RALYL: variants seen among roughly 807,000 people sequenced by gnomAD.
The protein encoded by RALYL is RALY RNA binding protein like.
In RALYL, 29 loss-of-function variants were observed where a neutral mutation model predicts 35.1. That is an observed-to-expected ratio of 0.83 (90% CI 0.61 to 1.13). The LOEUF is 1.13. RALYL is among the 50% of genes most tolerant of loss of function. The probability of loss-of-function intolerance (pLI) is 0.00; values close to 1 mark genes in which losing one functional copy is unlikely to be tolerated. For missense variants in RALYL, 359 were observed against 360.4 expected (o/e 1.00, Z 0.03); for synonymous variants, 120 against 127.6 (o/e 0.94, Z 0.40).
At chr8:84,349,088 C>A (rs940489321) in intron 1 of RALYL, among the ~76,000 whole-genome samples, 1 of 150,162 alleles carries the variant, frequency 6.7e-6, no homozygotes, top group African/African-American at 2.5e-5. Context: ...GTCCAGGGAA[C>A]AGCCATTCAG....
chr8:84,200,339 A>C (rs1430515301), intron 1 of RALYL, among the ~76,000 whole-genome samples: 5 of 152,284 alleles, frequency 3.3e-5, no homozygotes, highest in African/African-American at 9.6e-5. Flanking sequence ...TGTTCATCAA[A>C]GCAAACGTCA....
At chr8:84,900,779 T>G (rs1395436433) in intron 8 of RALYL, among the ~76,000 whole-genome samples, 2 of 152,134 alleles carry the variant, frequency 1.3e-5, no homozygotes, top group Non-Finnish European at 2.9e-5. Flanking sequence ...AGCACCAAAG[T>G]GACCACAATG....
At chr8:84,474,601 T>C (rs972238760) in intron 1 of RALYL, among the ~76,000 whole-genome samples, 5 of 152,138 alleles carry the variant, frequency 3.3e-5, no homozygotes, top group African/African-American at 1.2e-4. Flanking sequence ...CCTAAGAGAT[T>C]TCTTTGCAAT....
chr8:84,595,084 T>C (rs1416720244), intron 2 of RALYL, among the ~76,000 whole-genome samples: 2 of 152,046 alleles, frequency 1.3e-5, no homozygotes, highest in Non-Finnish European at 2.9e-5. Context: ...TGCAGAGCAG[T>C]GAGTAAGGAG....
intron 1 of RALYL, among the ~76,000 whole-genome samples, chr8:84,417,026 A>G (rs1195515482): frequency 6.6e-6 from 1 of 151,926 alleles, no homozygotes; most frequent in Non-Finnish European, 1.5e-5. Flanking sequence ...TCAAAGTGCA[A>G]GTAACCAATA....
intron 1 of RALYL, among the ~76,000 whole-genome samples, chr8:84,340,651 T>G (rs183193656): frequency 3.3e-5 from 5 of 152,206 alleles, no homozygotes; most frequent in Admixed American, 2.6e-4. Flanking sequence ...CCATCACTAT[T>G]CAAGTCACTA....
intron 1 of RALYL, among the ~76,000 whole-genome samples, chr8:84,470,465 T>A (rs1563990535): frequency 4.6e-5 from 6 of 130,564 alleles, no homozygotes; most frequent in Non-Finnish European, 1.0e-4. Flanking sequence ...ACTGATTGTA[T>A]GGGTTTTTTT....
intron 1 of RALYL, among the ~76,000 whole-genome samples, chr8:84,449,022 A>T (rs540906260): frequency 6.6e-6 from 1 of 151,582 alleles, no homozygotes; most frequent in South Asian, 2.1e-4. Context: ...CATTCAGATA[A>T]TGGAATGTGA....
chr8:84,538,696 A>T (rs2059788315), intron 2 of RALYL, among the ~76,000 whole-genome samples: 1 of 152,210 alleles, frequency 6.6e-6, no homozygotes, highest in African/African-American at 2.4e-5. Context: ...AAGATGATAA[A>T]TACAAGATAA....
chr8:84,444,323 TG>T (rs2048641903), intron 1 of RALYL, among the ~76,000 whole-genome samples: 1 of 151,848 alleles, frequency 6.6e-6, no homozygotes, highest in Non-Finnish European at 1.5e-5. Flanking sequence ...AGCAAGAGCC[TG>T]TCAAAGAAAA....
At chr8:84,833,359 C>T (rs1279612948) in intron 4 of RALYL, among the ~76,000 whole-genome samples, 4 of 152,064 alleles carry the variant, frequency 2.6e-5, no homozygotes, top group East Asian at 1.9e-4. Flanking sequence ...ATTATCTGGC[C>T]GGGTGCAGTG....
intron 1 of RALYL, among the ~76,000 whole-genome samples, chr8:84,234,164 A>G (rs966952009): frequency 2.0e-5 from 3 of 152,240 alleles, no homozygotes; most frequent in African/African-American, 7.2e-5. Context: ...TTTTTGGAAA[A>G]AAATCCAGAG....
chr8:84,294,782 C>T (rs1250482868), intron 1 of RALYL, among the ~76,000 whole-genome samples: 2 of 151,858 alleles, frequency 1.3e-5, no homozygotes, highest in African/African-American at 4.8e-5. Flanking sequence ...AAAAAAGAAT[C>T]TGGGAAGACC....
intron 1 of RALYL, among the ~76,000 whole-genome samples, chr8:84,392,569 C>T (rs1300585544): frequency 2.6e-5 from 4 of 151,858 alleles, no homozygotes; most frequent in Non-Finnish European, 5.9e-5. Context: ...AAGTATTAAG[C>T]TATAGTGAGA....
chr8:84,372,917 C>CTTTTTTTTTTTTTTTTTTTTTTTTT, intron 1 of RALYL, among the ~76,000 whole-genome samples: 209 of 49,044 alleles, frequency 4.3e-3, no homozygotes, highest in African/African-American at 6.9e-3. Context: ...TTTTTTTTTA[C>CTTTTTTTTTTTTTTTTTTTTTTTTT]TTTTTAATAA....
chr8:84,289,355 A>C (rs1483543637), intron 1 of RALYL, among the ~76,000 whole-genome samples: 1 of 152,206 alleles, frequency 6.6e-6, no homozygotes, highest in Non-Finnish European at 1.5e-5. Context: ...TGCTGTAAGA[A>C]AAGGGAAATC....
At chr8:84,467,656 G>A (rs1171439665) in intron 1 of RALYL, among the ~76,000 whole-genome samples, 1 of 151,996 alleles carries the variant, frequency 6.6e-6, no homozygotes, top group Non-Finnish European at 1.5e-5. Context: ...ATGTCTATTA[G>A]GTCCACTTGG....
intron 1 of RALYL, among the ~76,000 whole-genome samples, chr8:84,276,274 A>G (rs1454493813): frequency 6.6e-6 from 1 of 152,132 alleles, no homozygotes; most frequent in East Asian, 1.9e-4. Context: ...ATCCTAAATT[A>G]TCAAATACTG....
intron 2 of RALYL, among the ~76,000 whole-genome samples, chr8:84,540,572 CTT>C (rs2059955587): frequency 6.6e-6 from 1 of 151,326 alleles, no homozygotes; most frequent in Non-Finnish European, 1.5e-5. Flanking sequence ...AAAGTGTTGT[CTT>C]GTGTGTTTTT....
Sources: allele counts gnomAD v4.1 joint callset (sites outside exome capture counted in the v4.1 genomes callset), GRCh38; gene constraint gnomAD v4.1.1; transcripts MANE v1.5; gene names NCBI Gene and HGNC (gene_info 2026-07-23, HGNC 2026-07-21).